The following SEMA4D variants were observed in gnomAD, a reference collection of about 807,000 sequenced individuals.
SEMA4D encodes the protein semaphorin-4D.
In SEMA4D, 22 loss-of-function variants were observed where a neutral mutation model predicts 74.8. That is an observed-to-expected ratio of 0.29 (90% confidence interval 0.21 to 0.42). SEMA4D has a LOEUF of 0.42. Among genes scored for constraint, SEMA4D ranks in the 10% least tolerant of loss-of-function variants. SEMA4D has a pLI of 1.00. For missense variants in SEMA4D, 937 were observed against 1,118.4 expected (o/e 0.84, Z 2.31); for synonymous variants, 445 against 463.7 (o/e 0.96, Z 0.52).
chr9:89,471,579 T>C (rs1213900481), intron 1 of SEMA4D, among the ~76,000 whole-genome samples: 1 of 147,612 alleles, frequency 6.8e-6, no homozygotes, highest in African/African-American at 2.7e-5. Flanking sequence ...CTCAGGTGCA[T>C]GCCGGCTCAG....
At chr9:89,446,157 A>G (rs540251868) in intron 2 of SEMA4D, among the ~76,000 whole-genome samples, 2 of 152,174 alleles carry the variant, frequency 1.3e-5, no homozygotes, top group East Asian at 3.9e-4. Context: ...GCCCAGCCCA[A>G]TTGGCAGATA....
chr9:89,490,961 C>G (rs1825578064), intron 1 of SEMA4D, among the ~76,000 whole-genome samples: 1 of 152,226 alleles, frequency 6.6e-6, no homozygotes, highest in Non-Finnish European at 1.5e-5. Context: ...ATTGGCCCAG[C>G]ACACTTGACC....
At chr9:89,459,730 G>A (rs1247015035) in intron 1 of SEMA4D, among the ~76,000 whole-genome samples, 1 of 152,168 alleles carries the variant, frequency 6.6e-6, no homozygotes, top group Non-Finnish European at 1.5e-5. Context: ...GTCTCCACCT[G>A]GCTCAAATGC....
chr9:89,448,989 G>A (rs1019265335), intron 2 of SEMA4D, among the ~76,000 whole-genome samples: 6 of 152,156 alleles, frequency 3.9e-5, no homozygotes, highest in African/African-American at 1.2e-4. Flanking sequence ...GGCTGAGCAC[G>A]CCCATTGATG....
intron 2 of SEMA4D, among the ~76,000 whole-genome samples, chr9:89,447,202 C>G (rs1248081867): frequency 6.6e-6 from 1 of 152,114 alleles, no homozygotes; most frequent in Non-Finnish European, 1.5e-5. Flanking sequence ...AGACATGTCT[C>G]TACCTGACAG....
At position 89,399,295 on chromosome 9, in the gene SEMA4D, T is replaced by A; in HGVS notation, c.296A>T (p.Glu99Val). The A allele has an allele frequency of 6.2e-7, 1 of 1,613,908 alleles. No homozygotes were observed. The highest frequency in any genetic ancestry group is 2.2e-5 in the East Asian group (1 of 44,884). The change falls in exon 5 of 16, where the codon GAA becomes GTA. Residue 99 changes from glutamate to valine, a missense_variant. Transcript: ENST00000422704. ...ATTTACCTGTTTTGATTTCCCCTTTTCTGCACATTTTGCTTTTTTGTCTTC... is the reference window on the plus strand; with the variant it reads ...ATTTACCTGTTTTGATTTCCCCTTTACTGCACATTTTGCTTTTTTGTCTTC... ...VSEDKKAKCA[E>V]KGKSKQTECL...
chr9:89,497,866 C>A (rs1217954876), intron 1 of SEMA4D, 53 bp downstream of exon 1: 1 of 151,270 alleles, frequency 6.6e-6, no homozygotes, highest in African/African-American at 2.4e-5. Flanking sequence ...CCGCCCCCAG[C>A]GCACCTGCCC....
At chr9:89,472,444 G>T in intron 1 of SEMA4D, 1 of 279,632 alleles carries the variant, frequency 3.6e-6, no homozygotes, top group South Asian at 4.0e-5. Context: ...CCTTAAAATA[G>T]AATGTGGACC....
intron 2 of SEMA4D, among the ~76,000 whole-genome samples, chr9:89,434,870 T>G (rs12340857): frequency 0.033 from 5,091 of 152,292 alleles, 307 homozygotes; most frequent in African/African-American, 0.12. Flanking sequence ...GGCCAGGCCC[T>G]GTCTAAAGGG....
intron 4 of SEMA4D, among the ~76,000 whole-genome samples, chr9:89,399,854 T>C (rs1280767070): frequency 1.3e-5 from 2 of 151,488 alleles, no homozygotes; most frequent in Non-Finnish European, 2.9e-5. Context: ...AAAAATTATC[T>C]GGGAGTGGTG....
chr9:89,431,428 G>GT (rs1487245642), intron 2 of SEMA4D, among the ~76,000 whole-genome samples: 3 of 152,206 alleles, frequency 2.0e-5, no homozygotes, highest in Non-Finnish European at 4.4e-5. Flanking sequence ...GAATTTTCCT[G>GT]TATCTTCCAA....
intron 1 of SEMA4D, among the ~76,000 whole-genome samples, chr9:89,493,065 T>C (rs1356077878): frequency 6.6e-6 from 1 of 152,226 alleles, no homozygotes; most frequent in Non-Finnish European, 1.5e-5. Context: ...ACGTGTTTTC[T>C]GGGGAAGCAG....
At chr9:89,473,604 C>T (rs1264273322) in intron 1 of SEMA4D, among the ~76,000 whole-genome samples, 1 of 152,160 alleles carries the variant, frequency 6.6e-6, no homozygotes, top group Non-Finnish European at 1.5e-5. Flanking sequence ...TGCCTGTAAT[C>T]CCAGTACTTT....
intron 2 of SEMA4D, among the ~76,000 whole-genome samples, chr9:89,431,412 T>C (rs1849248681): frequency 6.6e-6 from 1 of 152,252 alleles, no homozygotes; most frequent in Non-Finnish European, 1.5e-5. Flanking sequence ...TTTCAATGTC[T>C]TCTTTGAATT....
chr9:89,436,271 A>T (rs1164388920), intron 2 of SEMA4D: 1 of 152,310 alleles, frequency 6.6e-6, no homozygotes, highest in Non-Finnish European at 1.5e-5. Context: ...AAGACCATTT[A>T]CCAAATGACA....
At chr9:89,453,962 A>G (rs943338036) in intron 2 of SEMA4D, among the ~76,000 whole-genome samples, 2 of 147,334 alleles carry the variant, frequency 1.4e-5, no homozygotes, top group African/African-American at 5.1e-5. Flanking sequence ...GGTTCACGCC[A>G]TTCTCCTGCC....
chr9:89,467,018 T>C (rs1442126866), intron 1 of SEMA4D, among the ~76,000 whole-genome samples: 15 of 152,190 alleles, frequency 9.9e-5, no homozygotes, highest in Admixed American at 9.2e-4. Context: ...AGAAAGAAAC[T>C]GAATTATTCA....
intron 2 of SEMA4D, among the ~76,000 whole-genome samples, chr9:89,422,123 A>G (rs990001850): frequency 7.2e-5 from 11 of 152,366 alleles, no homozygotes; most frequent in African/African-American, 2.6e-4. Context: ...AACGCTGGTT[A>G]AAGTAAGATC....
Position 89,461,517 on chromosome 9 carries a change from A to G in SEMA4D, c.-309-5564T>C, listed in dbSNP as rs1360662893. Among the ~76,000 whole-genome samples the G allele has an allele frequency of 2.6e-5, 4 of 152,106 alleles. No homozygotes were observed. The East Asian group carries it at 7.7e-4, about 29-fold the overall frequency. ...CCTGACAACTGAGGAGGCAACGGTGACTCACTGCCCTCCCAGGACAAGTGT... is the reference window on the plus strand; with the variant it reads ...CCTGACAACTGAGGAGGCAACGGTGGCTCACTGCCCTCCCAGGACAAGTGT... On this transcript the variant is annotated intron_variant, in intron 1 of 15. Coordinates refer to ENST00000422704, the MANE Select transcript of SEMA4D (RefSeq NM_001371194.2).
Sources: gnomAD v4.1 joint callset for allele counts (sites outside exome capture counted in the v4.1 genomes callset) on GRCh38, gnomAD v4.1.1 for gene constraint, MANE v1.5 for transcripts, NCBI Gene and HGNC (gene_info 2026-07-23, HGNC 2026-07-21) for gene names.